The following RASEF variants were observed in gnomAD, a reference collection of about 807,000 sequenced individuals.
RASEF encodes the protein RAS and EF-hand domain containing, also known as ras and EF-hand domain-containing protein.
RASEF carries 68 observed loss-of-function variants against 90.1 expected under a neutral mutation model. That is an observed-to-expected ratio of 0.75 (90% CI 0.62 to 0.92). The LOEUF (loss-of-function observed/expected upper bound fraction) is 0.92, where lower values mean the gene tolerates loss of function less well. Ranked by LOEUF, RASEF falls within the 40% of genes least tolerant of loss-of-function variation. The pLI is 0.00. For synonymous variants in RASEF, 331 were observed against 345.2 expected, an observed-to-expected ratio of 0.96 and a Z score of 0.46; for missense variants, 949 against 937.2, an observed-to-expected ratio of 1.01 and a Z score of -0.16.
At chr9:83,199,163 G>T in the RASEF span, among the ~76,000 whole-genome samples, 1 of 149,264 alleles carries the variant, frequency 6.7e-6, no homozygotes, top group South Asian at 2.1e-4. Context: ...TTCGGAAGTT[G>T]GAAGTTAAGA....
chr9:83,134,710 T>C, the RASEF span, among the ~76,000 whole-genome samples: 3 of 152,146 alleles, frequency 2.0e-5, no homozygotes, highest in Non-Finnish European at 1.5e-5. Context: ...TTCCTCAAAA[T>C]ATTAAACACG....
intron 9 of RASEF, among the ~76,000 whole-genome samples, chr9:83,004,176 G>A (rs1048998633): frequency 1.3e-5 from 2 of 152,074 alleles, no homozygotes; most frequent in Non-Finnish European, 2.9e-5. Flanking sequence ...CAGAAACACT[G>A]CAGCATCATA....
the RASEF span, among the ~76,000 whole-genome samples, chr9:83,107,262 A>C: frequency 2.6e-5 from 4 of 152,200 alleles, no homozygotes; most frequent in Non-Finnish European, 5.9e-5. Flanking sequence ...CTTCCTTTCC[A>C]GAGCCAGTTC....
At chr9:83,069,563 G>C in the RASEF span, among the ~76,000 whole-genome samples, 11 of 152,138 alleles carry the variant, frequency 7.2e-5, no homozygotes, top group Non-Finnish European at 1.5e-4. Flanking sequence ...CCATTACTTT[G>C]TTGATTGATA....
At position 83,062,520 on chromosome 9, in the gene RASEF, G is replaced by A. The variant is rs1424532687; in HGVS notation, c.348C>T (p.Ala116=). 6.2e-7 allele frequency: 1 copy of A among 1,609,210 alleles called. No homozygotes were observed. ...CGGGACTCGCCGGGCCGCACGAGGT[G>A]GCCAGCGCCGCCGCCGCGTCCTCGT... ...EGDEDAAAAL[A]TSCGPASPGR... The change falls in exon 1 of 17, where the codon GCC becomes GCT. Residue 116 remains alanine (A), a synonymous_variant. Transcript: ENST00000376447.
chr9:83,034,222 C>A (rs1332277451), intron 1 of RASEF, among the ~76,000 whole-genome samples: 1 of 152,198 alleles, frequency 6.6e-6, no homozygotes, highest in African/African-American at 2.4e-5. Context: ...ATCCAGCTCT[C>A]CAATCTAGAG....
At chr9:83,181,712 C>T in the RASEF span, among the ~76,000 whole-genome samples, 1 of 152,266 alleles carries the variant, frequency 6.6e-6, no homozygotes, top group Admixed American at 6.5e-5. Context: ...TTCTATCTCA[C>T]TCTTACTTTC....
chr9:83,076,619 A>G, the RASEF span, among the ~76,000 whole-genome samples: 1 of 152,180 alleles, frequency 6.6e-6, no homozygotes, highest in Non-Finnish European at 1.5e-5. Flanking sequence ...GGTGATATTT[A>G]CTATTGGCAA....
the RASEF span, among the ~76,000 whole-genome samples, chr9:83,127,298 C>T: frequency 2.7e-3 from 414 of 152,200 alleles, no homozygotes; most frequent in Middle Eastern, 0.01. Flanking sequence ...TGATTGGTTG[C>T]CTATAGTCAT....
chr9:83,089,542 C>A, the RASEF span, among the ~76,000 whole-genome samples: 1 of 152,068 alleles, frequency 6.6e-6, no homozygotes, highest in Non-Finnish European at 1.5e-5. Context: ...TAAAGGAGAG[C>A]TTTACCAGAT....
intron 1 of RASEF, among the ~76,000 whole-genome samples, chr9:83,041,448 T>G (rs1041277577): frequency 2.0e-5 from 3 of 152,198 alleles, no homozygotes; most frequent in African/African-American, 7.2e-5. Context: ...CATACAAAAA[T>G]AGATCAAAAG....
At chr9:83,122,645 A>G in the RASEF span, among the ~76,000 whole-genome samples, 3 of 152,226 alleles carry the variant, frequency 2.0e-5, no homozygotes, top group African/African-American at 7.2e-5. Context: ...TAAAAATTAT[A>G]TTTATAAAGA....
At chr9:83,210,154 T>C in the RASEF span, among the ~76,000 whole-genome samples, 8 of 152,014 alleles carry the variant, frequency 5.3e-5, no homozygotes, top group Non-Finnish European at 1.2e-4. Context: ...ACATGAAAAA[T>C]CCTTTCTAGC....
chr9:83,113,253 G>A, the RASEF span, among the ~76,000 whole-genome samples: 1 of 152,082 alleles, frequency 6.6e-6, no homozygotes, highest in Non-Finnish European at 1.5e-5. Flanking sequence ...AGATTTCATG[G>A]ACATTTATCA....
At chr9:83,168,649 A>G in the RASEF span, among the ~76,000 whole-genome samples, 1 of 152,224 alleles carries the variant, frequency 6.6e-6, no homozygotes, top group Non-Finnish European at 1.5e-5. Flanking sequence ...AAAAATGGGC[A>G]GAAGATCTGA....
At chr9:83,048,338 T>C (rs1435834089) in intron 1 of RASEF, 1 of 985,360 alleles carries the variant, frequency 1.0e-6, no homozygotes, top group Non-Finnish European at 1.2e-6. Context: ...TGAGTGTAGC[T>C]GGTCTGTTTG....
the RASEF span, among the ~76,000 whole-genome samples, chr9:83,159,185 C>CAA: frequency 1.9e-5 from 2 of 103,308 alleles, no homozygotes; most frequent in Non-Finnish European, 2.0e-5. Context: ...GACTCCGTCT[C>CAA]AAAAAAAAAA....
the RASEF span, among the ~76,000 whole-genome samples, chr9:83,173,445 C>A: frequency 6.6e-6 from 1 of 151,584 alleles, no homozygotes; most frequent in African/African-American, 2.4e-5. Flanking sequence ...TTTTTCTCCT[C>A]TGACTGTGTA....
chr9:82,990,444 T>A lies in RASEF; in HGVS notation c.2064A>T (p.Glu688Asp). ...TGTTAGAACCATCTTTGGCACTTGT[T>A]TCACAGAATAATGCCCCATACGTCT... ...LAMTYGALFCETSAKDGSNIV... is the reference protein window; with the variant it reads ...LAMTYGALFCDTSAKDGSNIV... The change falls in exon 16 of 17, where the codon GAA (glutamate) becomes GAT (aspartate). Residue 688 changes from glutamate to aspartate, a missense_variant. Glu to Asp is a conservative substitution (Grantham distance 45). Around this residue, in one of 3 missense-constraint regions of RASEF, gnomAD observed 288 missense variants for 328.4 expected, o/e 0.88. Coordinates refer to ENST00000376447, the MANE Select transcript of RASEF (RefSeq NM_152573.4). 1 of 1,613,604 alleles carries A rather than the reference T, an allele frequency of 6.2e-7. No homozygotes were observed. The highest frequency in any genetic ancestry group is 8.5e-7 in the Non-Finnish European group (1 of 1,179,562).
Sources: allele counts gnomAD v4.1 joint callset (sites outside exome capture counted in the v4.1 genomes callset), GRCh38; gene constraint gnomAD v4.1.1; regional missense constraint gnomAD v4.1.1; transcripts MANE v1.5; gene names NCBI Gene and HGNC (gene_info 2026-07-23, HGNC 2026-07-21).